The following GPHN variants were observed in gnomAD, a reference collection of about 807,000 sequenced individuals.
The protein encoded by GPHN is gephyrin.
GPHN carries 17 observed loss-of-function variants against 95.5 expected under a neutral mutation model. The ratio of observed to expected loss-of-function variants is 0.18; its 90% CI spans 0.12 to 0.27. The LOEUF (loss-of-function observed/expected upper bound fraction) is 0.27, where lower values mean the gene tolerates loss of function less well. Among genes scored for constraint, GPHN ranks in the 10% least tolerant of loss-of-function variants. The pLI is 1.00. For missense variants in GPHN, 660 were observed against 978.1 expected (o/e 0.67, Z 4.34); for synonymous variants, 320 against 322.5 (o/e 0.99, Z 0.08).
chr14:67,630,899 T>C, the GPHN span, among the ~76,000 whole-genome samples: 1 of 152,134 alleles, frequency 6.6e-6, no homozygotes, highest in Non-Finnish European at 1.5e-5. Flanking sequence ...GCATGTAGAA[T>C]GTAGTCTTTT....
intron 1 of GPHN, among the ~76,000 whole-genome samples, chr14:66,513,230 A>G (rs986709839): frequency 5.9e-4 from 89 of 151,688 alleles, no homozygotes; most frequent in African/African-American, 2.1e-3. Context: ...TTAAAAACAC[A>G]TGTGACAATT....
chr14:66,637,374 G>C (rs1416259984), intron 1 of GPHN, among the ~76,000 whole-genome samples: 3 of 151,988 alleles, frequency 2.0e-5, no homozygotes, highest in Non-Finnish European at 4.4e-5. Flanking sequence ...AACATTAATA[G>C]ATTCAGGGAA....
At chr14:67,093,801 G>A (rs1435336438) in intron 12 of GPHN, among the ~76,000 whole-genome samples, 2 of 152,008 alleles carry the variant, frequency 1.3e-5, no homozygotes, top group Non-Finnish European at 2.9e-5. Context: ...TGTAATTGCA[G>A]CAAGTATGAA....
the GPHN span, among the ~76,000 whole-genome samples, chr14:67,353,503 T>G: frequency 6.6e-6 from 1 of 151,626 alleles, no homozygotes; most frequent in Non-Finnish European, 1.5e-5. Flanking sequence ...TGTTGTTGTT[T>G]TTGAGATGGA....
At chr14:66,849,493 T>C (rs564059650) in intron 4 of GPHN, among the ~76,000 whole-genome samples, 1 of 152,202 alleles carries the variant, frequency 6.6e-6, no homozygotes, top group Admixed American at 6.5e-5. Flanking sequence ...TATGTATTTG[T>C]ACTATCAGTT....
chr14:66,738,581 A>G (rs1161047928), intron 2 of GPHN, among the ~76,000 whole-genome samples: 2 of 152,158 alleles, frequency 1.3e-5, no homozygotes, highest in Non-Finnish European at 2.9e-5. Flanking sequence ...GCTTACTTGT[A>G]AAACATTATG....
At chr14:66,807,969 C>G (rs2060613647) in intron 3 of GPHN, among the ~76,000 whole-genome samples, 2 of 152,218 alleles carry the variant, frequency 1.3e-5, no homozygotes, top group South Asian at 4.1e-4. Flanking sequence ...ATCTGCCTTT[C>G]TCAAATAGAT....
At chr14:67,481,801 T>C in the GPHN span, among the ~76,000 whole-genome samples, 131 of 152,284 alleles carry the variant, frequency 8.6e-4, no homozygotes, top group African/African-American at 3.1e-3. Flanking sequence ...TGCTCAGCCC[T>C]GGGATCAGAG....
chr14:66,863,415 A>C (rs572972578), intron 4 of GPHN, among the ~76,000 whole-genome samples: 1 of 152,164 alleles, frequency 6.6e-6, no homozygotes, highest in Non-Finnish European at 1.5e-5. Flanking sequence ...TACAGATTCA[A>C]TGCAATCCCT....
chr14:67,631,764 T>C, the GPHN span, among the ~76,000 whole-genome samples: 1 of 152,276 alleles, frequency 6.6e-6, no homozygotes, highest in South Asian at 2.1e-4. Flanking sequence ...TTCTTACATG[T>C]CAGTGTTCTC....
chr14:67,423,589 G>A, the GPHN span, among the ~76,000 whole-genome samples: 2 of 152,164 alleles, frequency 1.3e-5, no homozygotes, highest in East Asian at 3.9e-4. Context: ...TAGGAAAGGG[G>A]AAGTGGTAAG....
the GPHN span, chr14:67,578,756 G>A: frequency 2.8e-6 from 2 of 707,096 alleles, no homozygotes; most frequent in Non-Finnish European, 5.1e-6. The surrounding 1 kb of genome is among the most constrained non-coding windows in gnomAD (Gnocchi z 5.0). Flanking sequence ...CAGTGGTCGT[G>A]GAGACTTCAC....
intron 21 of GPHN, among the ~76,000 whole-genome samples, chr14:67,173,998 C>G (rs897240262): frequency 6.6e-6 from 1 of 152,040 alleles, no homozygotes; most frequent in African/African-American, 2.4e-5. Flanking sequence ...ATTACCCACT[C>G]TGAAGGGGAA....
the GPHN span, among the ~76,000 whole-genome samples, chr14:67,295,190 C>T: frequency 2.0e-5 from 3 of 151,174 alleles, no homozygotes; most frequent in African/African-American, 7.3e-5. Flanking sequence ...TGGCTGGGTG[C>T]GGTCTGTAAT....
the GPHN span, among the ~76,000 whole-genome samples, chr14:67,516,440 C>T: frequency 6.6e-6 from 1 of 152,090 alleles, no homozygotes; most frequent in South Asian, 2.1e-4. Flanking sequence ...AGGCTGAAGC[C>T]CTTACCCCTT....
intron 21 of GPHN, among the ~76,000 whole-genome samples, chr14:67,176,042 T>A (rs536985275): frequency 6.6e-6 from 1 of 152,348 alleles, no homozygotes; most frequent in South Asian, 2.1e-4. Context: ...TTTGACTTCC[T>A]CTTTTCCTAT....
chr14:67,328,764 G>C, the GPHN span, among the ~76,000 whole-genome samples: 615 of 152,200 alleles, frequency 4.0e-3, 18 homozygotes, highest in East Asian at 0.059. Flanking sequence ...TTTTTGTCAG[G>C]TTTGTCAAAG....
the GPHN span, among the ~76,000 whole-genome samples, chr14:67,455,943 G>A: frequency 3.9e-5 from 6 of 152,136 alleles, no homozygotes; most frequent in Admixed American, 6.6e-5. Flanking sequence ...CAAAGCAATT[G>A]CAACAATCAC....
At chr14:66,706,659 A>C (rs2069103059) in intron 2 of GPHN, among the ~76,000 whole-genome samples, 1 of 152,220 alleles carries the variant, frequency 6.6e-6, no homozygotes, top group Non-Finnish European at 1.5e-5. Flanking sequence ...TTCAAAAATT[A>C]ACTCAAGATG....
Sources: allele counts gnomAD v4.1 joint callset (sites outside exome capture counted in the v4.1 genomes callset), GRCh38; gene constraint gnomAD v4.1.1; non-coding constraint Gnocchi (gnomAD v3.1); transcripts MANE v1.5; gene names NCBI Gene and HGNC (gene_info 2026-07-23, HGNC 2026-07-21).